The following RGS20 variants were observed in gnomAD, a reference collection of about 807,000 sequenced individuals.
The protein encoded by RGS20 is gz-selective GTPase-activating protein.
Under a neutral mutation model 33.6 loss-of-function variants are expected in RGS20, and 30 were observed. The observed-to-expected ratio is 0.89, with a 90% confidence interval of 0.67 to 1.21. The LOEUF (loss-of-function observed/expected upper bound fraction) is 1.21. RGS20 is among the 50% of genes most tolerant of loss of function. The pLI is 0.00. For synonymous variants in RGS20, 208 were observed against 197.9 expected (o/e 1.05, Z -0.43); for missense variants, 472 against 502.4 (o/e 0.94, Z 0.58).
chr8:53,958,090 C>A (rs1373024169), intron 5 of RGS20, among the ~76,000 whole-genome samples, 180 bp from the exon 5 acceptor site: 1 of 151,980 alleles, frequency 6.6e-6, no homozygotes, highest in Non-Finnish European at 1.5e-5. Context: ...GAGCTGAGAT[C>A]GCGCCACTGC....
intron 2 of RGS20, among the ~76,000 whole-genome samples, chr8:53,898,972 G>A (rs918709134): frequency 6.6e-6 from 1 of 152,184 alleles, no homozygotes; most frequent in African/African-American, 2.4e-5. Flanking sequence ...ATGATGGTCA[G>A]GGAAACTATT....
At chr8:53,889,402 C>T (rs1419536270) in intron 2 of RGS20, among the ~76,000 whole-genome samples, 7 of 88,750 alleles carry the variant, frequency 7.9e-5, no homozygotes, top group Admixed American at 3.4e-4. Context: ...CTTTCTTTCT[C>T]TCTCTCTCTC....
chr8:53,884,567 C>T (rs985629208), intron 2 of RGS20, among the ~76,000 whole-genome samples: 1 of 152,108 alleles, frequency 6.6e-6, no homozygotes, highest in Non-Finnish European at 1.5e-5. Context: ...CTTCGTTTTA[C>T]AGATGAGGAA....
chr8:53,878,113 C>T (rs544482245), intron 1 of RGS20, among the ~76,000 whole-genome samples: 1 of 152,244 alleles, frequency 6.6e-6, no homozygotes, highest in Admixed American at 6.5e-5. Flanking sequence ...CCGCCTCCAC[C>T]TTCATTTTTT....
chr8:53,916,620 A>C (rs1585918715), intron 2 of RGS20, among the ~76,000 whole-genome samples: 1 of 152,006 alleles, frequency 6.6e-6, no homozygotes, highest in African/African-American at 2.4e-5. Flanking sequence ...TTATCTGTCA[A>C]TTCCTGATGT....
chr8:53,899,436 A>C (rs1812951527), intron 2 of RGS20, among the ~76,000 whole-genome samples: 1 of 152,228 alleles, frequency 6.6e-6, no homozygotes, highest in African/African-American at 2.4e-5. Context: ...CCTTTAAGGT[A>C]AATTAAAATA....
At chr8:53,941,534 G>A (rs1228444115) in intron 3 of RGS20, among the ~76,000 whole-genome samples, 1 of 152,118 alleles carries the variant, frequency 6.6e-6, no homozygotes, top group Admixed American at 6.6e-5. Flanking sequence ...TGAATTTTGT[G>A]TTAAAAAGTG....
At chr8:53,855,863 A>G (rs1241621976) in intron 1 of RGS20, among the ~76,000 whole-genome samples, 1 of 152,182 alleles carries the variant, frequency 6.6e-6, no homozygotes, top group Non-Finnish European at 1.5e-5. Flanking sequence ...TGTTCTTTTC[A>G]TTTGGCTCCT....
chr8:53,869,906 T>C (rs997735487), intron 1 of RGS20, among the ~76,000 whole-genome samples: 1 of 151,882 alleles, frequency 6.6e-6, no homozygotes, highest in African/African-American at 2.4e-5. Context: ...GAGTGGAGGG[T>C]TCTCCTTTGC....
rs539492957 is a variant in RGS20, at chr8:53,861,179, C to T, written c.165+9115C>T. Among the ~76,000 whole-genome samples the T allele has an allele frequency of 6.6e-5, 10 of 152,332 alleles. No individual in the cohort carries two copies. The South Asian group carries it at 8.3e-4, about 13-fold the overall frequency. The stretch of plus-strand genomic sequence containing the variant: ...TCACCCACAAGCTTTGTAATCACGC[C>T]TCAGAGATAATTCTACACATCTTCT... On this transcript the variant is annotated intron_variant, in intron 1 of 5. Transcript: ENST00000297313.
chr8:53,882,121 G>A (rs1265202493), intron 2 of RGS20, among the ~76,000 whole-genome samples: 1 of 152,172 alleles, frequency 6.6e-6, no homozygotes, highest in Non-Finnish European at 1.5e-5. Context: ...GGAGCCCTGA[G>A]AGAAGCGGCT....
chr8:53,906,994 C>T (rs1813197940), intron 2 of RGS20, among the ~76,000 whole-genome samples: 1 of 152,208 alleles, frequency 6.6e-6, no homozygotes, highest in Non-Finnish European at 1.5e-5. Flanking sequence ...AATCCCCAGA[C>T]ATAGCTCTCT....
At chr8:53,882,536 G>A (rs922008948) in intron 2 of RGS20, among the ~76,000 whole-genome samples, 1 of 152,112 alleles carries the variant, frequency 6.6e-6, no homozygotes, top group Non-Finnish European at 1.5e-5. Flanking sequence ...CTGTCCGGAA[G>A]GTGGAGAGCG....
At chr8:53,885,790 CTTTTTTTTTTTTT>C (rs1172257852) in intron 2 of RGS20, among the ~76,000 whole-genome samples, 2 of 112,744 alleles carry the variant, frequency 1.8e-5, no homozygotes, top group Non-Finnish European at 3.6e-5. Context: ...GTATCTTACT[CTTTTTTTTTTTTT>C]TTTTTTTTTG....
intron 2 of RGS20, among the ~76,000 whole-genome samples, chr8:53,884,226 C>G (rs1812476128): frequency 8.1e-6 from 1 of 123,978 alleles, no homozygotes; most frequent in Non-Finnish European, 1.6e-5. Flanking sequence ...TGCTGGGTCT[C>G]ACTCTCTCAC....
At chr8:53,858,596 GA>G (rs1343388626) in intron 1 of RGS20, among the ~76,000 whole-genome samples, 1 of 151,836 alleles carries the variant, frequency 6.6e-6, no homozygotes, top group Non-Finnish European at 1.5e-5. Flanking sequence ...ACATTGGCTT[GA>G]AAAAAGTCAA....
In RGS20 at chr8:53,916,939, G is replaced by T. The variant is rs145178737; in HGVS notation, c.511-22637G>T. Among the ~76,000 whole-genome samples the T allele has an allele frequency of 1.4e-4, 21 of 152,174 alleles. No homozygotes were observed. In the East Asian group the frequency reaches 4.1e-3, roughly 29 times the overall value. ...AGCTCTGTGAAGCCTCTTTCATAAG[G>T]ACACGAATCCCTTTCATAAAGGCCC... On this transcript the variant is annotated intron_variant, in intron 2 of 5. Transcript: ENST00000297313.
chr8:53,883,476 TTTC>T (rs1284580162), intron 2 of RGS20, among the ~76,000 whole-genome samples: 2 of 152,222 alleles, frequency 1.3e-5, no homozygotes, highest in South Asian at 2.1e-4. Flanking sequence ...AAGTGACATC[TTTC>T]TTATCACGTA....
At chr8:53,938,361 C>T (rs183299269) in intron 2 of RGS20, among the ~76,000 whole-genome samples, 48 of 152,278 alleles carry the variant, frequency 3.2e-4, no homozygotes, top group Non-Finnish European at 2.8e-4. Context: ...GGGAGAGGAA[C>T]ATCACACACT....
Sources: gnomAD v4.1 joint callset for allele counts (sites outside exome capture counted in the v4.1 genomes callset) on GRCh38, gnomAD v4.1.1 for gene constraint, MANE v1.5 for transcripts, NCBI Gene and HGNC (gene_info 2026-07-23, HGNC 2026-07-21) for gene names.